The following ZNF445 variants were observed in gnomAD, a reference collection of about 807,000 sequenced individuals.
ZNF445 encodes zinc finger protein 445, also known as zinc finger protein 168.
Under a neutral mutation model 93.9 loss-of-function variants are expected in ZNF445, and 19 were observed. The ratio of observed to expected loss-of-function variants is 0.20; its 90% confidence interval spans 0.14 to 0.30. The LOEUF is 0.30. Ranked by LOEUF, ZNF445 falls within the 10% of genes least tolerant of loss-of-function variation. The probability of loss-of-function intolerance (pLI) is 1.00; values close to 1 mark genes in which losing one functional copy is unlikely to be tolerated. For missense variants in ZNF445, 1,058 were observed against 1,259.4 expected (o/e 0.84, Z 2.42); for synonymous variants, 449 against 446.3 (o/e 1.01, Z -0.08).
At chr3:44,452,327 CG>C (rs1697968295) in intron 3 of ZNF445, among the ~76,000 whole-genome samples, 1 of 151,512 alleles carries the variant, frequency 6.6e-6, no homozygotes, top group African/African-American at 2.4e-5. Context: ...ATTTATCTCC[CG>C]TTTTTTATTC....
In ZNF445 at chr3:44,450,432, A is replaced by G. The variant is rs373178683; in HGVS notation, c.820+15T>C. On this transcript the variant is annotated intron_variant, in intron 6 of 7. Transcript: ENST00000396077. ...AATAAAGATGGATAGAAGCATGAGG[A>G]TATCGATTACTTACCCAGGGAAGCC... is the stretch of plus-strand genomic sequence containing the variant. 95 of 1,614,038 alleles carry G rather than the reference A, an allele frequency of 5.9e-5. No individual in the cohort carries two copies. The highest frequency in any genetic ancestry group is 7.5e-5 in the Non-Finnish European group (89 of 1,180,028).
rs1697669818 is a variant in ZNF445, at chr3:44,435,880, T to C, written c.*10695A>G. The stretch of plus-strand genomic sequence containing the variant: ...TGAGGAACCATGGTGGCATTTTGAG[T>C]CTCCTGTAATTACTGCTAGTTCAGA... On this transcript the variant is annotated 3_prime_UTR_variant, in exon 8 of 8. Transcript: ENST00000396077. The C allele has an allele frequency of 6.6e-6, 1 of 152,112 alleles. No homozygotes were observed. The highest frequency in any genetic ancestry group is 2.4e-5 in the African/African-American group (1 of 41,408). The allele number at this position is 152,112 out of a possible 1,614,324, so 9.4% of individuals were successfully genotyped here. A position where few individuals can be genotyped will look rare whatever the true frequency, so the allele number is the denominator to read the frequency against.
chr3:44,472,652 C>A lies in ZNF445; in HGVS notation c.-269+4939G>T, dbSNP rs550971217. Among the ~76,000 whole-genome samples, 3 of 152,176 alleles carry A rather than the reference C, an allele frequency of 2.0e-5. No individual in the cohort carries two copies. The South Asian group carries it at 6.2e-4, about 32-fold the overall frequency. On this transcript the variant is annotated intron_variant, in intron 1 of 7. Transcript: ENST00000396077. ...ATCATGAACATGAATAAAGACCTCA[C>A]GGGCCTCTCAAACTCTGAATGAAAG...
At position 44,439,602 on chromosome 3, in the gene ZNF445, C is replaced by T. The variant is rs889632043; in HGVS notation, c.*6973G>A. 1.3e-5 allele frequency: 2 copies of T among 152,362 alleles called. No homozygotes were observed. Among genetic ancestry groups the T allele is most frequent in the Non-Finnish European group, 1.5e-5 (1 of 68,166 alleles). 9.4% of individuals were successfully genotyped at this position (152,362 alleles called of 1,614,324 possible). On this transcript the variant is annotated 3_prime_UTR_variant, in exon 8 of 8. Transcript: ENST00000396077. Reference sequence around the variant, plus strand: ...AGCAGTCCACTCCTCCACCATAGGTCTGAGTTCAGCTCCACAAGGTCCCTC... The same window carrying T: ...AGCAGTCCACTCCTCCACCATAGGTTTGAGTTCAGCTCCACAAGGTCCCTC...
chr3:44,448,015 G>A lies in ZNF445; in HGVS notation c.1656C>T (p.Arg552=). 1 of 1,611,154 alleles carries A rather than the reference G, an allele frequency of 6.2e-7. No homozygotes were observed. The highest frequency in any genetic ancestry group is 8.5e-7 in the Non-Finnish European group (1 of 1,179,968). The part of the protein sequence containing the change: ...KCDLCEKAFR[R]LSAYRLHRET... ...CTCGGTGCAGACGGTAGGCTGACAG[G>A]CGTCGGAAAGCTTTCTCACATAAAT... The change falls in exon 8 of 8, where the codon CGC becomes CGT. Residue 552 remains arginine, a synonymous_variant. Transcript: ENST00000396077.
chr3:44,448,215 TA>T lies in ZNF445; in HGVS notation c.1455del (p.Phe485LeufsTer54). On this transcript the variant is annotated frameshift_variant, in exon 8 of 8. Coordinates refer to ENST00000396077, the MANE Select transcript of ZNF445 (RefSeq NM_181489.6). LOFTEE classifies it high-confidence loss of function. ...AAAGTCCTTCCACAGTCACTGCACTTAAATGACACTCCCACTGTGTGAAGAC... is the reference window on the plus strand; with the variant it reads ...AAAGTCCTTCCACAGTCACTGCACTTAATGACACTCCCACTGTGTGAAGAC... ...GQSLHTVGVS[F>X]KCSDCGRTFS... is the part of the protein sequence containing the mutation. 6.2e-7 allele frequency: 1 copy of T among 1,614,204 alleles called. No homozygotes were observed. Among genetic ancestry groups the T allele is most frequent in the Non-Finnish European group, 8.5e-7 (1 of 1,180,038 alleles).
intron 3 of ZNF445, 152 bp downstream of exon 3, chr3:44,454,969 C>T: frequency 1.1e-6 from 1 of 913,790 alleles, no homozygotes; most frequent in Non-Finnish European, 1.7e-6. Context: ...GCTCAGGGTC[C>T]CGTTCTCAGC....
At position 44,443,978 on chromosome 3, in the gene ZNF445, T is replaced by C. The variant is rs917422904; in HGVS notation, c.*2597A>G. 2.0e-5 allele frequency: 3 copies of C among 151,868 alleles called. No homozygotes were observed. Among genetic ancestry groups the C allele is most frequent in the African/African-American group, 7.3e-5 (3 of 41,364 alleles). 9.4% of individuals were successfully genotyped at this position (151,868 alleles called of 1,614,324 possible). A position where few individuals can be genotyped will look rare whatever the true frequency, so the allele number is the denominator to read the frequency against. ...ACATGGGAAAAAAAAATAAAAGTTT[T>C]GTCTCTACAAAAAAATATAAAAAAT... On this transcript the variant is annotated 3_prime_UTR_variant, in exon 8 of 8. Coordinates refer to ENST00000396077, the MANE Select transcript of ZNF445 (RefSeq NM_181489.6).
At position 44,448,017 on chromosome 3, in the gene ZNF445, G is replaced by T; in HGVS notation, c.1654C>A (p.Arg552Ser). ...CGGTGCAGACGGTAGGCTGACAGGC[G>T]TCGGAAAGCTTTCTCACATAAATCG... Reference protein sequence around the residue: ...KCDLCEKAFRRLSAYRLHRET... With the variant: ...KCDLCEKAFRSLSAYRLHRET... Residue 552 changes from arginine (R) to serine (S), a missense_variant, in exon 8 of 8, where the codon CGC becomes AGC. Transcript: ENST00000396077. 1 of 1,611,248 alleles carries T rather than the reference G, an allele frequency of 6.2e-7. No homozygotes were observed.
intron 2 of ZNF445, among the ~76,000 whole-genome samples, chr3:44,458,015 A>AG (rs1040125665): frequency 1.3e-5 from 2 of 150,608 alleles, no homozygotes; most frequent in African/African-American, 4.9e-5. Flanking sequence ...TCCGTCTCAA[A>AG]AAAAAAAAAA....
At chr3:44,471,096 A>AT (rs1290776203) in intron 1 of ZNF445, among the ~76,000 whole-genome samples, 3 of 152,200 alleles carry the variant, frequency 2.0e-5, no homozygotes, top group Non-Finnish European at 4.4e-5. Context: ...AAAAAGAGAA[A>AT]TACAAGCAGT....
chr3:44,472,293 G>C (rs1230362693), intron 1 of ZNF445, among the ~76,000 whole-genome samples: 1 of 152,214 alleles, frequency 6.6e-6, no homozygotes, highest in South Asian at 2.1e-4. Context: ...TCTCCAAGCA[G>C]GACTGTTCTG....
In ZNF445 at chr3:44,450,939, C is replaced by T. The variant is rs183804844; in HGVS notation, c.622G>A (p.Ala208Thr). The T allele has an allele frequency of 1.9e-6, 3 of 1,599,054 alleles. No homozygotes were observed. The highest frequency in any genetic ancestry group is 4.5e-5 in the East Asian group (2 of 44,214). The change falls in exon 5 of 8, where the codon GCC (alanine) becomes ACC (threonine). Residue 208 changes from alanine (A) to threonine (T), a missense_variant. By Grantham distance (58) the Ala-to-Thr change is moderately conservative (BLOSUM62 0). Transcript: ENST00000396077. ...GGGCACCCCTCTCTCGGGAAAAGGG[C>T]AGGCATCTGGGCAGCAGGAGTATCT... ...QSDTPAAQMP[A>T]LFPREGCPGD...
intron 1 of ZNF445, among the ~76,000 whole-genome samples, chr3:44,475,141 CCAGT>C (rs1698329602): frequency 1.3e-5 from 2 of 152,000 alleles, no homozygotes; most frequent in African/African-American, 4.8e-5. Context: ...TTGAGAAGTT[CCAGT>C]CATTCAGTCA....
Position 44,446,999 on chromosome 3 carries a change from G to C in ZNF445, c.2672C>G (p.Ser891Cys). 6.2e-7 allele frequency: 1 copy of C among 1,614,232 alleles called. No individual in the cohort carries two copies. The highest frequency in any genetic ancestry group is 8.5e-7 in the Non-Finnish European group (1 of 1,180,044). ...CTGACATTTGAAAGGTCTCTCTGTAGAGTGGATCCTCTGATGGTTAACAAG... is the reference window on the plus strand; with the variant it reads ...CTGACATTTGAAAGGTCTCTCTGTACAGTGGATCCTCTGATGGTTAACAAG... ...YRLVNHQRIH[S>C]TERPFKCQWC... The change falls in exon 8 of 8, where the codon TCT (serine) becomes TGT (cysteine). Residue 891 changes from serine (S) to cysteine (C), a missense_variant. Physicochemically the swap from Ser to Cys is moderately radical, Grantham distance 112 (BLOSUM62 -1). Transcript: ENST00000396077. This position sits in a 1 kb window ranked among gnomAD's most constrained non-coding sequence, Gnocchi z 4.2.
At chr3:44,461,205 T>C (rs1575314195) in intron 1 of ZNF445, among the ~76,000 whole-genome samples, 1 of 152,152 alleles carries the variant, frequency 6.6e-6, no homozygotes, top group African/African-American at 2.4e-5. Flanking sequence ...TGTAGCCCCA[T>C]TACGGGGTGT....
intron 1 of ZNF445, among the ~76,000 whole-genome samples, chr3:44,468,628 A>T (rs1575317423): frequency 6.6e-6 from 1 of 152,056 alleles, no homozygotes; most frequent in East Asian, 1.9e-4. Flanking sequence ...CACAACCCAG[A>T]TCAATAAACT....
At position 44,455,677 on chromosome 3, in the gene ZNF445, G is replaced by A; in HGVS notation, c.-128C>T. On this transcript the variant is annotated 5_prime_UTR_variant, in exon 3 of 8. Transcript: ENST00000396077. ...GGGACATCAGAAGTCATCAGCAAGT[G>A]ACTGAAATTACCAGCATTTCTGTGC... is the stretch of plus-strand genomic sequence containing the variant. The A allele has an allele frequency of 1.2e-6, 1 of 833,500 alleles. No individual in the cohort carries two copies. The highest frequency in any genetic ancestry group is 1.7e-5 in the African/African-American group (1 of 58,306). 51.6% of individuals were successfully genotyped at this position (833,500 alleles called of 1,614,324 possible).
Position 44,436,377 on chromosome 3 carries a change from C to A in ZNF445, c.*10198G>T, listed in dbSNP as rs568759737. On this transcript the variant is annotated 3_prime_UTR_variant, in exon 8 of 8. Coordinates refer to ENST00000396077, the MANE Select transcript of ZNF445 (RefSeq NM_181489.6). ...ACTAAGTGTTACCATATGGTCCCTG[C>A]CTCCTCAGGATTCCATCAGCCCCAC... 2.6e-5 allele frequency: 4 copies of A among 152,312 alleles called. No homozygotes were observed. The East Asian group carries it at 7.7e-4, about 29-fold the overall frequency. 9.4% of individuals were successfully genotyped at this position (152,312 alleles called of 1,614,324 possible).
Sources: allele counts gnomAD v4.1 joint callset (sites outside exome capture counted in the v4.1 genomes callset), GRCh38; gene constraint gnomAD v4.1.1; non-coding constraint Gnocchi (gnomAD v3.1); transcripts MANE v1.5; gene names NCBI Gene and HGNC (gene_info 2026-07-23, HGNC 2026-07-21).